Variants in SLC12A1 observed in about 807,000 individuals in gnomAD.
SLC12A1 encodes the protein solute carrier family 12 member 1.
A neutral mutation model predicts 130.4 loss-of-function variants in SLC12A1; 89 were observed. The ratio of observed to expected loss-of-function variants is 0.68; its 90% CI spans 0.58 to 0.81. SLC12A1 has a LOEUF of 0.81. Among genes scored for constraint, SLC12A1 ranks in the 40% least tolerant of loss-of-function variants. The probability of loss-of-function intolerance (pLI) is 0.00; values close to 1 mark genes in which losing one functional copy is unlikely to be tolerated. For missense variants in SLC12A1, 1,310 were observed against 1,336.4 expected, an observed-to-expected ratio of 0.98 and a Z score of 0.31; for synonymous variants, 499 against 460.0, an observed-to-expected ratio of 1.08 and a Z score of -1.09.
chr15:48,241,892 AGGAGGCCACCACTTCT>A (rs946684257), intron 10 of SLC12A1, among the ~76,000 whole-genome samples: 2 of 152,196 alleles, frequency 1.3e-5, no homozygotes, highest in African/African-American at 4.8e-5. Context: ...CCCACTGCTA[AGGAGGCCACCACTTCT>A]GGCATACACT....
intron 24 of SLC12A1, among the ~76,000 whole-genome samples, chr15:48,294,720 C>G (rs1231313044): frequency 1.3e-5 from 2 of 152,122 alleles, no homozygotes; most frequent in Non-Finnish European, 2.9e-5. Flanking sequence ...TTCACAACAG[C>G]AAGTCCAACA....
rs752760758 is a variant in SLC12A1, at chr15:48,220,768, G to A, written c.552+3G>A. 3 of 1,613,798 alleles carry A rather than the reference G, an allele frequency of 1.9e-6. No individual in the cohort carries two copies. Among genetic ancestry groups the A allele is most frequent in the Non-Finnish European group, 8.5e-7 (1 of 1,179,886 alleles). ...TTGGATGGGTGAAAGGTGTGCTGGT[G>A]AGAAAGCTCTTCTGTTTACAAATGA... On this transcript the variant is annotated splice_donor_region_variant and intron_variant, in intron 3 of 26. Transcript: ENST00000380993.
At chr15:48,211,595 C>T (rs957468293) in intron 2 of SLC12A1, among the ~76,000 whole-genome samples, 2 of 152,146 alleles carry the variant, frequency 1.3e-5, no homozygotes, top group African/African-American at 4.8e-5. Flanking sequence ...GTAATTGACA[C>T]AGTACAAGCT....
In SLC12A1 at chr15:48,288,069, A is replaced by T; in HGVS notation, c.2656A>T (p.Met886Leu). ...KDGSINTSQSMHVGEFNQKLV... is the reference protein window; with the variant it reads ...KDGSINTSQSLHVGEFNQKLV... ...TGGCAGCATTAACACAAGCCAGTCG[A>T]TGCATGTGGGAGAGTTCAACCAGAA... The change falls in exon 22 of 27, where the codon ATG becomes TTG. Residue 886 changes from methionine to leucine, a missense_variant. Transcript: ENST00000380993. 15 of 1,611,404 alleles carry T rather than the reference A, an allele frequency of 9.3e-6. No individual in the cohort carries two copies. Among genetic ancestry groups the T allele is most frequent in the Non-Finnish European group, 1.3e-5 (15 of 1,178,800 alleles).
At chr15:48,218,393 A>G (rs1199068165) in intron 2 of SLC12A1, among the ~76,000 whole-genome samples, 1 of 152,104 alleles carries the variant, frequency 6.6e-6, no homozygotes, top group East Asian at 1.9e-4. Context: ...GCAAATAAAT[A>G]AAAAGACAAG....
intron 13 of SLC12A1, among the ~76,000 whole-genome samples, chr15:48,248,584 GCATTTGCATCATTGCAT>G (rs1168430148): frequency 4.0e-4 from 61 of 152,274 alleles, no homozygotes; most frequent in Non-Finnish European, 6.8e-4. Context: ...CCAGCTGCCT[GCATTTGCATCATTGCAT>G]CATTTGCATC....
At chr15:48,260,716 C>T (rs1473300194) in intron 17 of SLC12A1, among the ~76,000 whole-genome samples, 1 of 152,140 alleles carries the variant, frequency 6.6e-6, no homozygotes, top group African/African-American at 2.4e-5. Flanking sequence ...AATCCAGCAC[C>T]ACTACTTAAA....
intron 26 of SLC12A1, 47 bp downstream of exon 26, chr15:48,301,429 G>A (rs2042230941): frequency 1.6e-6 from 2 of 1,280,500 alleles, no homozygotes; most frequent in Non-Finnish European, 1.1e-6. Flanking sequence ...TAAATCTTAG[G>A]GTTAATGGGT....
At chr15:48,260,348 TCACACACACA>T (rs10673427) in intron 17 of SLC12A1, among the ~76,000 whole-genome samples, 40 of 144,442 alleles carry the variant, frequency 2.8e-4, no homozygotes, top group African/African-American at 9.2e-4. Context: ...TCTCTCTCTA[TCACACACACA>T]CACACACACA....
At chr15:48,220,847 G>A in intron 3 of SLC12A1, 74 bp from the exon 4 acceptor site, 10 of 1,609,416 alleles carry the variant, frequency 6.2e-6, no homozygotes, top group Non-Finnish European at 8.5e-6. Context: ...CCTGGGCACA[G>A]CTTTATGAAG....
At chr15:48,247,542 T>G (rs1356203407) in intron 13 of SLC12A1, 82 bp downstream of exon 13, 1 of 1,106,268 alleles carries the variant, frequency 9.0e-7, no homozygotes, top group African/African-American at 1.6e-5. Flanking sequence ...GTTTGAAAAA[T>G]TACTCGTTTT....
Position 48,220,682 on chromosome 15 carries a change from G to T in SLC12A1, c.469G>T (p.Gly157Trp). 6.2e-7 allele frequency: 1 copy of T among 1,613,706 alleles called. No individual in the cohort carries two copies. Among genetic ancestry groups the T allele is most frequent in the Non-Finnish European group, 8.5e-7 (1 of 1,179,740 alleles). ...SSADRVANGDGIPGDEQAENK... is the reference protein window; with the variant it reads ...SSADRVANGDWIPGDEQAENK... ...AGCTGACAGAGTTGCTAACGGTGAT[G>T]GGATACCTGGAGATGAACAAGCTGA... Residue 157 changes from glycine (G) to tryptophan (W), a missense_variant, in exon 3 of 27, where the codon GGG becomes TGG. Gly to Trp is a radical substitution (Grantham distance 184). Transcript: ENST00000380993.
At chr15:48,210,467 C>T (rs2041039062) in intron 2 of SLC12A1, among the ~76,000 whole-genome samples, 1 of 151,990 alleles carries the variant, frequency 6.6e-6, no homozygotes, top group Non-Finnish European at 1.5e-5. Context: ...ACATTCCCGA[C>T]AGAGAAAAGT....
chr15:48,259,495 G>A (rs1330642064), intron 17 of SLC12A1, among the ~76,000 whole-genome samples, 184 bp downstream of exon 17: 1 of 152,300 alleles, frequency 6.6e-6, no homozygotes, highest in East Asian at 1.9e-4. Flanking sequence ...ATTTAAACAG[G>A]TAGATGTAAA....
chr15:48,291,011 A>G (rs910544593), intron 23 of SLC12A1, among the ~76,000 whole-genome samples: 10 of 152,004 alleles, frequency 6.6e-5, no homozygotes, highest in African/African-American at 2.4e-4. Flanking sequence ...TCACTGAAAA[A>G]TTTAGGGGTA....
Position 48,208,275 on chromosome 15 carries a change from A to G in SLC12A1, c.420+136A>G, listed in dbSNP as rs193014126. 7 of 871,540 alleles carry G rather than the reference A, an allele frequency of 8.0e-6. No homozygotes were observed. In the East Asian group the frequency reaches 1.9e-4, roughly 24 times the overall value. 54.0% of individuals were successfully genotyped at this position (871,540 alleles called of 1,614,324 possible). ...ATTCCAAACACTATCCATCTTACTT[A>G]CAAAACTGTCCCTAGTTCCCAGAAA... On this transcript the variant is annotated intron_variant, in intron 2 of 26. Transcript: ENST00000380993.
rs774096061 is a variant in SLC12A1, at chr15:48,246,964, C to G, written c.1508C>G (p.Ala503Gly). Reference protein sequence around the residue: ...GPLITAGIFSATLSSALASLV... With the variant: ...GPLITAGIFSGTLSSALASLV... ...CTCATCACTGCGGGAATCTTTTCTG[C>G]AACACTCTCCTCCGCCCTGGCCTCC... Residue 503 changes from alanine (A) to glycine (G), a missense_variant, in exon 12 of 27, where the codon GCA becomes GGA. Coordinates refer to ENST00000380993, the MANE Select transcript of SLC12A1 (RefSeq NM_000338.3). 1.9e-6 allele frequency: 3 copies of G among 1,613,972 alleles called. No homozygotes were observed. The highest frequency in any genetic ancestry group is 2.5e-6 in the Non-Finnish European group (3 of 1,179,876).
chr15:48,266,210 G>T (rs1290507357), intron 17 of SLC12A1, among the ~76,000 whole-genome samples: 1 of 152,180 alleles, frequency 6.6e-6, no homozygotes, highest in Non-Finnish European at 1.5e-5. Context: ...GTCAGTGCCA[G>T]ATCTCAACCC....
chr15:48,234,966 G>A lies in SLC12A1; in HGVS notation c.1177G>A (p.Gly393Arg). The A allele has an allele frequency of 6.2e-7, 1 of 1,613,840 alleles. No individual in the cohort carries two copies. Among genetic ancestry groups the A allele is most frequent in the Non-Finnish European group, 8.5e-7 (1 of 1,179,816 alleles). ...TGCCATTTTTTTCCCAGCAGCTACT[G>A]GGATTCTTGCTGGTGCCAATATCTC... ...VFAIFFPAAT[G>R]ILAGANISGD... The change falls in exon 9 of 27, where the codon GGG (glycine) becomes AGG (arginine). Residue 393 changes from glycine (G) to arginine (R), a missense_variant. Transcript: ENST00000380993.
Sources: allele counts gnomAD v4.1 joint callset (sites outside exome capture counted in the v4.1 genomes callset), GRCh38; gene constraint gnomAD v4.1.1; transcripts MANE v1.5; gene names NCBI Gene and HGNC (gene_info 2026-07-23, HGNC 2026-07-21).